The following LOC128462377 variants were observed in gnomAD, a reference collection of about 807,000 sequenced individuals.
the LOC128462377 span, among the ~76,000 whole-genome samples, chr16:89,351,274 AG>A: frequency 2.4e-4 from 36 of 152,330 alleles, no homozygotes; most frequent in South Asian, 6.6e-3. Context: ...CCACGCCCAC[AG>A]GCCGCCAAAC....
chr16:89,394,666 G>A, the LOC128462377 span, among the ~76,000 whole-genome samples: 1 of 150,026 alleles, frequency 6.7e-6, no homozygotes, highest in East Asian at 1.9e-4. Context: ...GTGGAAAAAC[G>A]AGTGTATTTT....
chr16:89,408,191 G>A, the LOC128462377 span, among the ~76,000 whole-genome samples: 1 of 152,182 alleles, frequency 6.6e-6, no homozygotes, highest in African/African-American at 2.4e-5. Context: ...GATGCATACA[G>A]ATACTCGGCC....
chr16:89,390,961 G>A, the LOC128462377 span, among the ~76,000 whole-genome samples: 1 of 152,186 alleles, frequency 6.6e-6, no homozygotes, highest in African/African-American at 2.4e-5. Flanking sequence ...GGGCGCCATG[G>A]CTCACGCCTG....
the LOC128462377 span, among the ~76,000 whole-genome samples, chr16:89,362,800 G>C: frequency 1.3e-5 from 2 of 152,016 alleles, no homozygotes; most frequent in African/African-American, 4.8e-5. Flanking sequence ...AGTTGAAGGT[G>C]TTTTTACCTT....
At chr16:89,342,150 A>C in the LOC128462377 span, among the ~76,000 whole-genome samples, 1 of 152,228 alleles carries the variant, frequency 6.6e-6, no homozygotes, top group South Asian at 2.1e-4. Flanking sequence ...GGGCCCTTCT[A>C]GATCTTGGCG....
the LOC128462377 span, among the ~76,000 whole-genome samples, chr16:89,340,279 T>C: frequency 6.6e-6 from 1 of 152,104 alleles, no homozygotes; most frequent in East Asian, 1.9e-4. Context: ...GTTGTAATTT[T>C]TGTTGTTGTT....
chr16:89,345,253 T>A, the LOC128462377 span, among the ~76,000 whole-genome samples: 3 of 116,676 alleles, frequency 2.6e-5, no homozygotes, highest in Admixed American at 9.1e-5. Flanking sequence ...AAGCCCCCCC[T>A]CCCCACCCCC....
At chr16:89,407,300 G>A in the LOC128462377 span, among the ~76,000 whole-genome samples, 3 of 152,006 alleles carry the variant, frequency 2.0e-5, no homozygotes, top group Admixed American at 6.6e-5. Flanking sequence ...TAAGGAACAC[G>A]GGGGGAAAAA....
the LOC128462377 span, among the ~76,000 whole-genome samples, chr16:89,330,201 T>C: frequency 2.6e-5 from 4 of 152,000 alleles, no homozygotes; most frequent in Non-Finnish European, 4.4e-5. Context: ...GAGGAAGCAA[T>C]ACACTTAGCT....
At chr16:89,326,443 C>A in the LOC128462377 span, among the ~76,000 whole-genome samples, 3 of 151,702 alleles carry the variant, frequency 2.0e-5, no homozygotes, top group East Asian at 1.9e-4. Context: ...GCTCAATCTA[C>A]CCCCAAATTA....
At chr16:89,402,657 G>A in the LOC128462377 span, among the ~76,000 whole-genome samples, 2 of 149,640 alleles carry the variant, frequency 1.3e-5, no homozygotes, top group African/African-American at 4.9e-5. Context: ...GCACTGCAGG[G>A]TGAGGTGAAG....
chr16:89,338,852 C>T, the LOC128462377 span, among the ~76,000 whole-genome samples: 1 of 151,578 alleles, frequency 6.6e-6, no homozygotes, highest in Non-Finnish European at 1.5e-5. Flanking sequence ...CCTTTCTTAG[C>T]TAAAAGGTTT....
At chr16:89,373,149 G>T in the LOC128462377 span, 1 of 152,274 alleles carries the variant, frequency 6.6e-6, no homozygotes, top group Non-Finnish European at 1.5e-5. Context: ...GGGAATGACA[G>T]AAGCAATGGA....
At chr16:89,403,279 ATGT>A in the LOC128462377 span, among the ~76,000 whole-genome samples, 2 of 152,264 alleles carry the variant, frequency 1.3e-5, no homozygotes, top group Non-Finnish European at 2.9e-5. Context: ...AGCCACGCAC[ATGT>A]TGTGAGCAAT....
At chr16:89,382,768 A>G in the LOC128462377 span, among the ~76,000 whole-genome samples, 1 of 152,152 alleles carries the variant, frequency 6.6e-6, no homozygotes, top group Non-Finnish European at 1.5e-5. Context: ...GTGTGAGTCA[A>G]CTGTGTTCAG....
At chr16:89,384,206 C>T in the LOC128462377 span, among the ~76,000 whole-genome samples, 2 of 152,100 alleles carry the variant, frequency 1.3e-5, no homozygotes, top group African/African-American at 2.4e-5. Flanking sequence ...GGTGACAGAG[C>T]GAGACTCCAT....
chr16:89,339,851 T>G, the LOC128462377 span: 1 of 152,204 alleles, frequency 6.6e-6, no homozygotes, highest in East Asian at 1.9e-4. Flanking sequence ...AGCATTCCTC[T>G]CGGCGCTTTG....
chr16:89,358,494 A>C, the LOC128462377 span, among the ~76,000 whole-genome samples: 23 of 152,350 alleles, frequency 1.5e-4, no homozygotes, highest in African/African-American at 5.3e-4. Flanking sequence ...ACTAGTTGAG[A>C]AGATGGATAC....
chr16:89,366,266 T>C, the LOC128462377 span, among the ~76,000 whole-genome samples: 1 of 152,210 alleles, frequency 6.6e-6, no homozygotes, highest in African/African-American at 2.4e-5. Context: ...TGTCTTCTTC[T>C]GTGAATGGTG....
Sources: allele counts gnomAD v4.1 joint callset (sites outside exome capture counted in the v4.1 genomes callset), GRCh38; gene constraint gnomAD v4.1.1; transcripts MANE v1.5.